Variants in ICE2 observed in about 807,000 individuals in gnomAD.
The protein encoded by ICE2 is interactor of little elongation complex ELL subunit 2.
A neutral mutation model predicts 105.4 loss-of-function variants in ICE2; 87 were observed. The observed-to-expected ratio is 0.83, with a 90% CI of 0.69 to 0.99. The LOEUF is 0.99. ICE2 is among the 50% of genes least tolerant of loss of function. ICE2 has a pLI of 0.00. For synonymous variants in ICE2, 399 were observed against 392.0 expected, an observed-to-expected ratio of 1.02 and a Z score of -0.21; for missense variants, 1,323 against 1,146.7, an observed-to-expected ratio of 1.15 and a Z score of -2.22.
At chr15:60,446,869 T>C (rs193229013) in intron 11 of ICE2, among the ~76,000 whole-genome samples, 52 of 152,228 alleles carry the variant, frequency 3.4e-4, no homozygotes, top group African/African-American at 1.2e-3. Context: ...ACACCAAAAC[T>C]TGTTTTTTTA....
intron 5 of ICE2, among the ~76,000 whole-genome samples, chr15:60,465,828 G>T (rs2064410239): frequency 1.4e-5 from 2 of 144,174 alleles, no homozygotes; most frequent in African/African-American, 2.6e-5. Context: ...TTAGCTCACT[G>T]CAAACCTCCA....
rs141270825 is a variant in ICE2 at position 60,469,926 on chromosome 15, A to G, written c.147-1604T>C. ...TCAGTTATTGTAATCTACATTTTAA[A>G]TAAGAGACTTTAGAAGTGCATCAAA... On this transcript the variant is annotated intron_variant, in intron 3 of 15. Transcript: ENST00000261520. Among the ~76,000 whole-genome samples, 5 of 152,306 alleles carry G rather than the reference A, an allele frequency of 3.3e-5. 1 individual carries two copies. Among genetic ancestry groups the G allele is most frequent in the African/African-American group, 1.2e-4 (5 of 41,554 alleles).
intron 5 of ICE2, among the ~76,000 whole-genome samples, chr15:60,465,827 T>C (rs1047774322): frequency 2.7e-5 from 4 of 150,476 alleles, no homozygotes; most frequent in Admixed American, 1.3e-4. Flanking sequence ...CTTAGCTCAC[T>C]GCAAACCTCC....
intron 1 of ICE2, chr15:60,478,710 C>T: frequency 2.9e-6 from 1 of 342,064 alleles, no homozygotes; most frequent in South Asian, 2.1e-5. Flanking sequence ...GCCCGACCGG[C>T]TCCCACTTAA....
At chr15:60,444,215 AG>A (rs2063776793) in intron 11 of ICE2, among the ~76,000 whole-genome samples, 1 of 152,186 alleles carries the variant, frequency 6.6e-6, no homozygotes, top group African/African-American at 2.4e-5. Context: ...AATGGGTAAG[AG>A]TTAATTCCAT....
intron 15 of ICE2, among the ~76,000 whole-genome samples, chr15:60,427,404 GA>G (rs2063360750): frequency 6.6e-6 from 1 of 152,162 alleles, no homozygotes; most frequent in Non-Finnish European, 1.5e-5. Flanking sequence ...GTCATTTGTA[GA>G]GAGCAAAACT....
intron 13 of ICE2, among the ~76,000 whole-genome samples, chr15:60,432,206 T>C (rs1233001427): frequency 3.6e-5 from 5 of 140,422 alleles, no homozygotes; most frequent in Admixed American, 2.2e-4. Context: ...TTTTTTGAGA[T>C]GGAGTCCTGC....
At chr15:60,462,841 T>C (rs1261935880) in intron 5 of ICE2, among the ~76,000 whole-genome samples, 1 of 152,204 alleles carries the variant, frequency 6.6e-6, no homozygotes, top group Non-Finnish European at 1.5e-5. Context: ...TATAGCCACT[T>C]TGGAAAACCA....
At chr15:60,465,352 C>G (rs926840568) in intron 5 of ICE2, among the ~76,000 whole-genome samples, 3 of 152,118 alleles carry the variant, frequency 2.0e-5, no homozygotes, top group African/African-American at 7.2e-5. Context: ...CACATGCCAC[C>G]ATGCCAGATA....
At chr15:60,456,282 C>T (rs1254568995) in intron 6 of ICE2, among the ~76,000 whole-genome samples, 5 of 151,120 alleles carry the variant, frequency 3.3e-5, no homozygotes, top group Non-Finnish European at 5.9e-5. Context: ...GTGGCTCACT[C>T]CTGTAATCCC....
chr15:60,425,269 G>C (rs2063315709), intron 15 of ICE2, among the ~76,000 whole-genome samples: 1 of 152,100 alleles, frequency 6.6e-6, no homozygotes, highest in African/African-American at 2.4e-5. Flanking sequence ...GTAATATACT[G>C]ATTAGAAAAG....
intron 15 of ICE2, among the ~76,000 whole-genome samples, chr15:60,427,531 C>T (rs1182329618): frequency 6.6e-6 from 1 of 152,178 alleles, no homozygotes; most frequent in Non-Finnish European, 1.5e-5. Context: ...AGCGATTCTC[C>T]TGCCTCAGCC....
At chr15:60,430,927 T>C (rs1445183932) in intron 14 of ICE2, among the ~76,000 whole-genome samples, 1 of 152,104 alleles carries the variant, frequency 6.6e-6, no homozygotes, top group Non-Finnish European at 1.5e-5. Context: ...CAGGCTGGAG[T>C]GCAGTGGCAC....
At chr15:60,442,294 A>C in intron 12 of ICE2, 122 bp downstream of exon 12, 5 of 898,744 alleles carry the variant, frequency 5.6e-6, no homozygotes, top group South Asian at 5.1e-5. Flanking sequence ...CCCTAAAACT[A>C]ATAAATACAT....
intron 9 of ICE2, chr15:60,452,028 T>C: frequency 1.1e-6 from 1 of 935,150 alleles, no homozygotes; most frequent in Non-Finnish European, 1.3e-6. Context: ...AGGGTCCAAA[T>C]TACCTGGTCT....
intron 3 of ICE2, among the ~76,000 whole-genome samples, chr15:60,474,481 T>C (rs1052424710): frequency 2.6e-5 from 4 of 152,084 alleles, no homozygotes; most frequent in African/African-American, 7.2e-5. Flanking sequence ...TAGAATACAA[T>C]ACAGCTATAG....
intron 9 of ICE2, among the ~76,000 whole-genome samples, chr15:60,450,741 G>A (rs2063945728): frequency 6.6e-6 from 1 of 152,048 alleles, no homozygotes; most frequent in African/African-American, 2.4e-5. Flanking sequence ...GTACAGCAGG[G>A]GCATCTTCTT....
At chr15:60,472,615 C>G (rs2064634601) in intron 3 of ICE2, among the ~76,000 whole-genome samples, 1 of 152,066 alleles carries the variant, frequency 6.6e-6, no homozygotes, top group Non-Finnish European at 1.5e-5. Flanking sequence ...CAACTTCCAG[C>G]AAAATGCCTT....
At chr15:60,435,894 A>C (rs1370798869) in intron 13 of ICE2, among the ~76,000 whole-genome samples, 3 of 151,726 alleles carry the variant, frequency 2.0e-5, no homozygotes. Flanking sequence ...GATCCCTTGA[A>C]CCGGGGAGGC....
Sources: gnomAD v4.1 joint callset for allele counts (sites outside exome capture counted in the v4.1 genomes callset) on GRCh38, gnomAD v4.1.1 for gene constraint, MANE v1.5 for transcripts, NCBI Gene and HGNC (gene_info 2026-07-23, HGNC 2026-07-21) for gene names.